Variants in RANBP2 observed in about 807,000 individuals in gnomAD.
RANBP2 encodes RAN binding protein 2.
In RANBP2, 57 loss-of-function variants were observed where a neutral mutation model predicts 303.6. That is an observed-to-expected ratio of 0.19 (90% CI 0.15 to 0.23). RANBP2 has a LOEUF of 0.23. Among genes scored for constraint, RANBP2 ranks in the 10% least tolerant of loss-of-function variants. The pLI is 1.00. For synonymous variants in RANBP2, 1,167 were observed against 1,301.5 expected, an observed-to-expected ratio of 0.90 and a Z score of 2.23; for missense variants, 3,138 against 3,780.8, an observed-to-expected ratio of 0.83 and a Z score of 4.46.
chr2:109,687,042 A>T, the RANBP2 span, among the ~76,000 whole-genome samples: 6 of 152,258 alleles, frequency 3.9e-5, no homozygotes, highest in African/African-American at 1.2e-4. Flanking sequence ...AATAATGCTC[A>T]TAGTCCCATA....
chr2:109,714,298 TTTTTA>T, the RANBP2 span, among the ~76,000 whole-genome samples: 822 of 152,064 alleles, frequency 5.4e-3, 1 homozygote, highest in Admixed American at 8.4e-3. Flanking sequence ...TTTTTAAAAG[TTTTTA>T]TTTTATTTTA....
chr2:109,668,198 A>G, the RANBP2 span, among the ~76,000 whole-genome samples: 1 of 152,224 alleles, frequency 6.6e-6, no homozygotes, highest in Admixed American at 6.5e-5. Context: ...CAGCATCTGG[A>G]GCTGTCAAGA....
At chr2:109,369,245 G>C in the RANBP2 span, among the ~76,000 whole-genome samples, 1 of 152,122 alleles carries the variant, frequency 6.6e-6, no homozygotes, top group South Asian at 2.1e-4. Flanking sequence ...CTACTCTAGA[G>C]GCTGAGGCAG....
At chr2:108,940,066 A>G in the RANBP2 span, 5 of 152,282 alleles carry the variant, frequency 3.3e-5, no homozygotes, top group African/African-American at 7.2e-5. Context: ...GAAGACATCA[A>G]TTTGACTGAG....
At chr2:109,147,964 A>C in the RANBP2 span, among the ~76,000 whole-genome samples, 1 of 152,136 alleles carries the variant, frequency 6.6e-6, no homozygotes, top group African/African-American at 2.4e-5. Flanking sequence ...ATTTCTGCTG[A>C]TCTTTACAGG....
the RANBP2 span, among the ~76,000 whole-genome samples, chr2:109,118,964 G>A: frequency 6.6e-6 from 1 of 152,190 alleles, no homozygotes; most frequent in African/African-American, 2.4e-5. Flanking sequence ...TGTGAAACCA[G>A]GATGGTTGAA....
At chr2:109,356,979 G>A in the RANBP2 span, among the ~76,000 whole-genome samples, 11 of 152,164 alleles carry the variant, frequency 7.2e-5, no homozygotes, top group Non-Finnish European at 1.3e-4. Flanking sequence ...CAGATGTCCT[G>A]TAGAGACATG....
chr2:109,020,930 C>G, the RANBP2 span, among the ~76,000 whole-genome samples: 2 of 152,168 alleles, frequency 1.3e-5, no homozygotes, highest in Non-Finnish European at 2.9e-5. Context: ...CCACCATGAC[C>G]CATCACAGGC....
intron 1 of RANBP2, among the ~76,000 whole-genome samples, chr2:108,722,565 TC>T (rs1261825169): frequency 1.3e-5 from 2 of 151,006 alleles, no homozygotes; most frequent in African/African-American, 4.9e-5. Context: ...ATCATATCTT[TC>T]TAGTCTTTCA....
the RANBP2 span, among the ~76,000 whole-genome samples, chr2:108,972,459 C>T: frequency 7.2e-3 from 1,103 of 152,366 alleles, 8 homozygotes; most frequent in South Asian, 0.028. Flanking sequence ...GTGCCAGACA[C>T]TGCCCTTTCC....
At chr2:109,391,404 C>T in the RANBP2 span, among the ~76,000 whole-genome samples, 1 of 152,220 alleles carries the variant, frequency 6.6e-6, no homozygotes, top group Non-Finnish European at 1.5e-5. Context: ...AGGTCACCCA[C>T]AGGCTCGGGG....
the RANBP2 span, among the ~76,000 whole-genome samples, chr2:109,446,831 G>A: frequency 1.3e-5 from 2 of 152,118 alleles, no homozygotes; most frequent in African/African-American, 4.8e-5. Context: ...CGGCCAGGAG[G>A]TAGAGGCCAG....
chr2:109,593,112 T>C, the RANBP2 span: 1 of 1,596,238 alleles, frequency 6.3e-7, no homozygotes, highest in East Asian at 2.3e-5. Context: ...CATGTGAGAC[T>C]GAAAGAGCTA....
chr2:108,753,960 G>A lies in RANBP2; in HGVS notation c.2191G>A (p.Val731Met), dbSNP rs1573777812. The A allele has an allele frequency of 6.2e-7, 1 of 1,611,894 alleles. No individual in the cohort carries two copies. The highest frequency in any genetic ancestry group is 8.5e-7 in the Non-Finnish European group (1 of 1,179,816). ...AGATGACAGTGATTCAAATCTTTCA[G>A]TGGTCAAGAAAGTAAGTAGCAGGTT... The part of the protein sequence containing the change: ...IIDDSDSNLS[V>M]VKKLPVPLES... The change falls in exon 15 of 29, where the codon GTG becomes ATG. Residue 731 changes from valine to methionine, a missense_variant. Val to Met is a conservative substitution (Grantham distance 21). Around this residue, in one of 20 missense-constraint regions of RANBP2, gnomAD observed 194 missense variants for 197.4 expected, o/e 0.98. Transcript: ENST00000283195.
the RANBP2 span, among the ~76,000 whole-genome samples, chr2:109,065,942 T>C: frequency 1.3e-5 from 2 of 152,160 alleles, no homozygotes; most frequent in African/African-American, 4.8e-5. Context: ...TTGCCAGCTC[T>C]TGTGGATTTT....
At chr2:109,654,462 C>G in the RANBP2 span, among the ~76,000 whole-genome samples, 1 of 151,882 alleles carries the variant, frequency 6.6e-6, no homozygotes, top group Non-Finnish European at 1.5e-5. Flanking sequence ...ATTATGAGCT[C>G]TCTAGTACAT....
chr2:109,143,654 T>C, the RANBP2 span, among the ~76,000 whole-genome samples: 1 of 152,108 alleles, frequency 6.6e-6, no homozygotes, highest in Non-Finnish European at 1.5e-5. Flanking sequence ...CATAAGAGGC[T>C]GAGGTAGGAG....
At chr2:108,786,775 G>T (rs768414745), downstream of RANBP2, 78 of 1,518,934 alleles carry the variant, frequency 5.1e-5, no homozygotes, top group Non-Finnish European at 6.6e-5. Context: ...AGCGCCGCGG[G>T]TTTGATGAAC....
At chr2:108,896,624 T>G in the RANBP2 span, 7 of 437,314 alleles carry the variant, frequency 1.6e-5, no homozygotes, top group South Asian at 3.7e-5. Context: ...CATTGTTCAG[T>G]GAGTTAATGG....
Sources: allele counts gnomAD v4.1 joint callset (sites outside exome capture counted in the v4.1 genomes callset), GRCh38; gene constraint gnomAD v4.1.1; regional missense constraint gnomAD v4.1.1; transcripts MANE v1.5; gene names NCBI Gene and HGNC (gene_info 2026-07-23, HGNC 2026-07-21).